The following COMMD1 variants were observed in gnomAD, a reference collection of about 807,000 sequenced individuals.
COMMD1 encodes the protein copper metabolism domain containing 1.
Under a neutral mutation model 17.2 loss-of-function variants are expected in COMMD1, and 10 were observed. The observed-to-expected ratio is 0.58, with a 90% CI of 0.36 to 0.99. COMMD1 has a LOEUF of 0.99. Ranked by LOEUF, COMMD1 falls within the 50% of genes least tolerant of loss-of-function variation. COMMD1 has a pLI of 0.01. For synonymous variants in COMMD1, 97 were observed against 91.6 expected (o/e 1.06, Z -0.34); for missense variants, 270 against 231.8 (o/e 1.17, Z -1.07).
intron 1 of COMMD1, among the ~76,000 whole-genome samples, chr2:61,914,308 C>T (rs1294771675): frequency 6.6e-6 from 1 of 152,168 alleles, no homozygotes; most frequent in Non-Finnish European, 1.5e-5. Flanking sequence ...GTTCTTTAGA[C>T]TCCTGAGATC....
intron 1 of COMMD1, among the ~76,000 whole-genome samples, chr2:61,955,312 T>C (rs912460676): frequency 5.5e-5 from 8 of 145,380 alleles, no homozygotes; most frequent in Non-Finnish European, 7.6e-5. Flanking sequence ...CTCTCTCTCT[T>C]TCTCTCTCTC....
intron 2 of COMMD1, among the ~76,000 whole-genome samples, chr2:62,133,908 C>T (rs565092645): frequency 2.0e-5 from 3 of 152,294 alleles, no homozygotes; most frequent in Admixed American, 2.0e-4. Context: ...CCTCCCACCT[C>T]AGCCTTCCAA....
At chr2:62,111,672 A>T (rs192819646) in intron 2 of COMMD1, among the ~76,000 whole-genome samples, 1 of 152,240 alleles carries the variant, frequency 6.6e-6, no homozygotes, top group Admixed American at 6.5e-5. Context: ...CTATGACTTG[A>T]AACGGGAAAG....
intron 2 of COMMD1, among the ~76,000 whole-genome samples, chr2:62,031,557 A>ATCTT (rs1558569637): frequency 6.6e-6 from 1 of 152,198 alleles, no homozygotes; most frequent in Non-Finnish European, 1.5e-5. Flanking sequence ...GGATTAACTC[A>ATCTT]TATCTGGTTT....
intron 2 of COMMD1, among the ~76,000 whole-genome samples, chr2:62,002,494 A>G (rs1668976835): frequency 1.0e-5 from 1 of 97,352 alleles, no homozygotes; most frequent in Non-Finnish European, 2.0e-5. Flanking sequence ...TCCACCAGAA[A>G]AAAAAAAAAA....
chr2:62,087,955 GTAACC>G (rs928065546), intron 2 of COMMD1, among the ~76,000 whole-genome samples: 26 of 152,140 alleles, frequency 1.7e-4, no homozygotes, highest in Admixed American at 1.3e-4. Context: ...AGTCTCAGGG[GTAACC>G]ATCTTCTTCC....
At chr2:62,062,616 TA>T (rs1343316471) in intron 2 of COMMD1, among the ~76,000 whole-genome samples, 1 of 152,004 alleles carries the variant, frequency 6.6e-6, no homozygotes, top group Non-Finnish European at 1.5e-5. Context: ...TGTTACCCAG[TA>T]AAAACCCTGA....
At chr2:62,012,943 C>CTT (rs1457900093) in intron 2 of COMMD1, among the ~76,000 whole-genome samples, 1 of 151,880 alleles carries the variant, frequency 6.6e-6, no homozygotes, top group East Asian at 1.9e-4. Flanking sequence ...AGGAGGCAGC[C>CTT]CCAGGAAGAT....
Position 61,973,873 on chromosome 2 carries a change from T to C in COMMD1, c.181-26828T>C, listed in dbSNP as rs80125865. 6.8e-4 allele frequency among the ~76,000 whole-genome samples: 104 copies of C among 152,356 alleles called. 1 individual carries two copies. Among genetic ancestry groups the C allele is most frequent in the African/African-American group, 2.3e-3 (96 of 41,588 alleles). On this transcript the variant is annotated intron_variant, in intron 1 of 2. Coordinates refer to ENST00000311832, the MANE Select transcript of COMMD1 (RefSeq NM_152516.4). ...TATACCTATATAATCCACACACCTGTCATCCCATCATCCTATCAACACCCC... is the reference window on the plus strand; with the variant it reads ...TATACCTATATAATCCACACACCTGCCATCCCATCATCCTATCAACACCCC...
intron 1 of COMMD1, among the ~76,000 whole-genome samples, chr2:61,892,906 C>T (rs1003738520): frequency 6.6e-6 from 1 of 151,742 alleles, no homozygotes; most frequent in South Asian, 2.1e-4. Context: ...CTCGCTCTGT[C>T]GCCCAGCCTG....
chr2:62,071,947 G>A (rs1175774012), intron 2 of COMMD1, among the ~76,000 whole-genome samples: 2 of 151,244 alleles, frequency 1.3e-5, no homozygotes, highest in African/African-American at 2.4e-5. Context: ...GCCCATGCAA[G>A]GCAAGTGTTA....
At position 61,920,412 on chromosome 2, in the gene COMMD1, CT is replaced by C. The variant is rs889470083; in HGVS notation, c.180+14568del. On this transcript the variant is annotated intron_variant, in intron 1 of 2. Transcript: ENST00000311832. ...AATAAAGAGGGAAAGAAAGAACATA[CT>C]TTTTTTTTTTTTTAAACTTTGTAAT... Among the ~76,000 whole-genome samples the C allele has an allele frequency of 7.6e-3, 1,085 of 143,416 alleles. 5 individuals carry two copies. The highest frequency in any genetic ancestry group is 0.016 in the African/African-American group (622 of 39,472). 94.1% of individuals were successfully genotyped at this position (143,416 alleles called of 152,430 possible). A position where few individuals can be genotyped will look rare whatever the true frequency, so the allele number is the denominator to read the frequency against.
chr2:61,894,782 C>T (rs988038889), intron 1 of COMMD1, among the ~76,000 whole-genome samples: 4 of 151,910 alleles, frequency 2.6e-5, no homozygotes, highest in Non-Finnish European at 5.9e-5. Context: ...TCACTGCAAC[C>T]TCCACCTCCC....
intron 2 of COMMD1, chr2:62,079,662 G>C (rs1308484198): frequency 6.6e-6 from 1 of 152,170 alleles, no homozygotes; most frequent in Non-Finnish European, 1.5e-5. Context: ...TTTATTTTGG[G>C]TTTACATTTT....
chr2:62,134,428 T>A (rs1031028499), intron 2 of COMMD1, among the ~76,000 whole-genome samples: 4 of 152,076 alleles, frequency 2.6e-5, no homozygotes, highest in African/African-American at 9.7e-5. Flanking sequence ...AATTACTTGA[T>A]TATTGTTCTG....
At chr2:61,955,954 T>C (rs1442574428) in intron 1 of COMMD1, among the ~76,000 whole-genome samples, 1 of 152,232 alleles carries the variant, frequency 6.6e-6, no homozygotes, top group Non-Finnish European at 1.5e-5. Context: ...CCCAAAGTGC[T>C]GGGATCACAG....
chr2:62,087,050 C>A (rs1451802417), intron 2 of COMMD1, among the ~76,000 whole-genome samples: 1 of 152,074 alleles, frequency 6.6e-6, no homozygotes, highest in African/African-American at 2.4e-5. Flanking sequence ...TCTCAAACTC[C>A]TGACCTCAAA....
At chr2:61,972,651 C>G (rs1213364853) in intron 1 of COMMD1, among the ~76,000 whole-genome samples, 1 of 152,208 alleles carries the variant, frequency 6.6e-6, no homozygotes, top group African/African-American at 2.4e-5. Flanking sequence ...CCCCAAAACA[C>G]ATAACCTTTG....
At chr2:62,134,699 G>A (rs966068899) in intron 2 of COMMD1, among the ~76,000 whole-genome samples, 1 of 151,890 alleles carries the variant, frequency 6.6e-6, no homozygotes, top group Non-Finnish European at 1.5e-5. Flanking sequence ...GATCACTTTA[G>A]CCCAGGAGTT....
Sources: allele counts gnomAD v4.1 joint callset (sites outside exome capture counted in the v4.1 genomes callset), GRCh38; gene constraint gnomAD v4.1.1; transcripts MANE v1.5; gene names NCBI Gene and HGNC (gene_info 2026-07-23, HGNC 2026-07-21).